The following AFG2A variants were observed in gnomAD, a reference collection of about 807,000 sequenced individuals.
The protein encoded by AFG2A is ATPase family gene 2 protein homolog A.
At chr4:122,928,160 G>A in the AFG2A span, among the ~76,000 whole-genome samples, 1 of 152,152 alleles carries the variant, frequency 6.6e-6, no homozygotes, top group African/African-American at 2.4e-5. Context: ...TGCCTCCGGC[G>A]ATAGTGACAG....
At chr4:123,079,005 G>A in the AFG2A span, among the ~76,000 whole-genome samples, 1 of 152,300 alleles carries the variant, frequency 6.6e-6, no homozygotes, top group Admixed American at 6.5e-5. Context: ...TGTTTGAGAA[G>A]TTATGTTGTT....
the AFG2A span, among the ~76,000 whole-genome samples, chr4:122,943,138 G>T: frequency 6.6e-6 from 1 of 152,252 alleles, no homozygotes; most frequent in East Asian, 1.9e-4. Flanking sequence ...AGTTGTGTAG[G>T]TGTCTATTAG....
the AFG2A span, among the ~76,000 whole-genome samples, chr4:122,989,518 C>G: frequency 2.1e-4 from 32 of 152,230 alleles, no homozygotes; most frequent in African/African-American, 7.7e-4. Flanking sequence ...CCACCTGGCA[C>G]TGAGGTGGGC....
At chr4:123,149,229 A>T in the AFG2A span, among the ~76,000 whole-genome samples, 2 of 152,214 alleles carry the variant, frequency 1.3e-5, no homozygotes, top group East Asian at 3.9e-4. Flanking sequence ...ACTAGATAAG[A>T]TGAGTCTTTG....
At chr4:122,937,785 G>T in the AFG2A span, among the ~76,000 whole-genome samples, 1 of 152,064 alleles carries the variant, frequency 6.6e-6, no homozygotes, top group African/African-American at 2.4e-5. Flanking sequence ...CTGCTCCAAG[G>T]GATAGTATCT....
chr4:122,945,393 TCA>T, the AFG2A span, among the ~76,000 whole-genome samples: 3 of 152,216 alleles, frequency 2.0e-5, no homozygotes, highest in Non-Finnish European at 4.4e-5. Context: ...CAGTTTGATC[TCA>T]GACTGCTGTG....
the AFG2A span, among the ~76,000 whole-genome samples, chr4:123,237,313 T>A: frequency 6.6e-6 from 1 of 152,116 alleles, no homozygotes; most frequent in South Asian, 2.1e-4. Context: ...GCCTCAAAGG[T>A]GCTGTTAGAC....
At chr4:123,152,383 C>T in the AFG2A span, among the ~76,000 whole-genome samples, 3 of 152,098 alleles carry the variant, frequency 2.0e-5, no homozygotes, top group East Asian at 3.8e-4. Context: ...GGACTGTTAT[C>T]CAAAATACAC....
chr4:122,950,403 G>C, the AFG2A span, among the ~76,000 whole-genome samples: 1 of 151,062 alleles, frequency 6.6e-6, no homozygotes, highest in Non-Finnish European at 1.5e-5. Context: ...GCAATGGCGC[G>C]ATCTCGGCTC....
chr4:122,961,220 C>T, the AFG2A span, among the ~76,000 whole-genome samples: 1 of 152,126 alleles, frequency 6.6e-6, no homozygotes, highest in Non-Finnish European at 1.5e-5. Context: ...CTTAATTTCT[C>T]CTTTTCTTCT....
the AFG2A span, among the ~76,000 whole-genome samples, chr4:123,264,779 G>T: frequency 6.6e-6 from 1 of 152,070 alleles, no homozygotes; most frequent in Non-Finnish European, 1.5e-5. Flanking sequence ...TTTATCATTT[G>T]TAGAACTCAC....
the AFG2A span, chr4:123,314,030 A>T: frequency 6.2e-7 from 1 of 1,610,192 alleles, no homozygotes; most frequent in South Asian, 1.1e-5. Flanking sequence ...TTTTATGAAG[A>T]TTATCAAGAG....
chr4:123,155,174 T>G, the AFG2A span, among the ~76,000 whole-genome samples: 6 of 152,168 alleles, frequency 3.9e-5, no homozygotes, highest in African/African-American at 1.4e-4. Context: ...AGCCTCGAAC[T>G]CCTGGGTTCA....
the AFG2A span, among the ~76,000 whole-genome samples, chr4:123,226,708 G>A: frequency 6.6e-6 from 1 of 152,120 alleles, no homozygotes; most frequent in Admixed American, 6.6e-5. Context: ...TTGGTATTAG[G>A]ATGATGCTGG....
At chr4:123,028,984 T>A in the AFG2A span, among the ~76,000 whole-genome samples, 1 of 152,238 alleles carries the variant, frequency 6.6e-6, no homozygotes, top group African/African-American at 2.4e-5. Context: ...AACATTATGA[T>A]ATATCCAGAT....
chr4:123,086,966 G>T, the AFG2A span, among the ~76,000 whole-genome samples: 116 of 152,090 alleles, frequency 7.6e-4, no homozygotes, highest in Middle Eastern at 3.4e-3. Context: ...CTTACTTGTT[G>T]TCTACTTTGT....
At chr4:123,309,545 T>G in the AFG2A span, among the ~76,000 whole-genome samples, 3 of 152,194 alleles carry the variant, frequency 2.0e-5, no homozygotes, top group South Asian at 4.1e-4. Context: ...TTCAGACCAT[T>G]GCACTGGGTT....
the AFG2A span, among the ~76,000 whole-genome samples, chr4:123,255,751 ACCT>A: frequency 3.7e-5 from 4 of 109,332 alleles, no homozygotes; most frequent in Non-Finnish European, 7.0e-5. Context: ...TGAGACAGAG[ACCT>A]CCTGCTCCAC....
At chr4:123,319,321 T>G in the AFG2A span, 4 of 152,240 alleles carry the variant, frequency 2.6e-5, no homozygotes, top group Admixed American at 2.6e-4. Context: ...TGTGAGGTTA[T>G]TAGAGTCTTG....
Sources: gnomAD v4.1 joint callset for allele counts (sites outside exome capture counted in the v4.1 genomes callset) on GRCh38, gnomAD v4.1.1 for gene constraint, MANE v1.5 for transcripts, NCBI Gene and HGNC (gene_info 2026-07-23, HGNC 2026-07-21) for gene names.